ARHGAP44: variants seen among roughly 807,000 people sequenced by gnomAD.
ARHGAP44 encodes the protein rho GTPase-activating protein 44.
Under a neutral mutation model 106.8 loss-of-function variants are expected in ARHGAP44, and 43 were observed. The ratio of observed to expected loss-of-function variants is 0.40; its 90% CI spans 0.32 to 0.52. The LOEUF (loss-of-function observed/expected upper bound fraction) is 0.52, where lower values mean the gene tolerates loss of function less well. ARHGAP44 is among the 20% of genes least tolerant of loss of function. ARHGAP44 has a pLI of 0.48. For synonymous variants in ARHGAP44, 439 were observed against 410.3 expected (o/e 1.07, Z -0.85); for missense variants, 866 against 1,050.5 (o/e 0.82, Z 2.43).
Position 12,949,876 on chromosome 17 carries a change from A to G in ARHGAP44, c.1055+146A>G. On this transcript the variant is annotated intron_variant, in intron 12 of 20. Transcript: ENST00000379672. The surrounding 1 kb of genome is among the most constrained non-coding windows in gnomAD (Gnocchi z 4.1). ...GGAGTGCTTATACATTTGCCCAAGGAGGCAGGTCCAGGGATATTGATGGTA... is the reference window on the plus strand; with the variant it reads ...GGAGTGCTTATACATTTGCCCAAGGGGGCAGGTCCAGGGATATTGATGGTA... 2 of 720,808 alleles carry G rather than the reference A, an allele frequency of 2.8e-6. No individual in the cohort carries two copies. Among genetic ancestry groups the G allele is most frequent in the Admixed American group, 2.7e-5 (1 of 36,760 alleles). The allele number at this position is 720,808 out of a possible 1,614,324, so 44.7% of individuals were successfully genotyped here. A position where few individuals can be genotyped will look rare whatever the true frequency, so the allele number is the denominator to read the frequency against.
chr17:12,912,039 C>A (rs1378785878), intron 4 of ARHGAP44, among the ~76,000 whole-genome samples: 1 of 152,142 alleles, frequency 6.6e-6, no homozygotes, highest in African/African-American at 2.4e-5. Flanking sequence ...TATAGAGAGG[C>A]ACCAAAGATC....
chr17:12,837,077 C>T (rs2035260206), intron 1 of ARHGAP44, among the ~76,000 whole-genome samples: 1 of 152,160 alleles, frequency 6.6e-6, no homozygotes, highest in Non-Finnish European at 1.5e-5. Flanking sequence ...AAAGTGTGCT[C>T]TCTGACTCTA....
At chr17:12,969,804 G>A (rs1479061878) in intron 16 of ARHGAP44, among the ~76,000 whole-genome samples, 1 of 152,084 alleles carries the variant, frequency 6.6e-6, no homozygotes, top group South Asian at 2.1e-4. Context: ...ATACATCTCA[G>A]CACTCAATAA....
At chr17:12,829,445 C>T (rs1007295434) in intron 1 of ARHGAP44, among the ~76,000 whole-genome samples, 1 of 152,042 alleles carries the variant, frequency 6.6e-6, no homozygotes, top group Non-Finnish European at 1.5e-5. Context: ...TCTTTTGACC[C>T]TTGGCATGAG....
At chr17:12,978,171 T>C (rs2039743237) in intron 18 of ARHGAP44, among the ~76,000 whole-genome samples, 1 of 152,186 alleles carries the variant, frequency 6.6e-6, no homozygotes, top group Non-Finnish European at 1.5e-5. Flanking sequence ...ATTTTTTAGT[T>C]TGCTGATTAT....
chr17:12,898,687 G>T (rs1382355175), intron 3 of ARHGAP44, among the ~76,000 whole-genome samples: 1 of 152,158 alleles, frequency 6.6e-6, no homozygotes, highest in Non-Finnish European at 1.5e-5. Flanking sequence ...ATAAGACCAT[G>T]AATTCATTTC....
rs765059593 is a variant in ARHGAP44, at chr17:12,811,854, C to T, written c.53+21963C>T. 7.2e-5 allele frequency among the ~76,000 whole-genome samples: 11 copies of T among 152,296 alleles called. No homozygotes were observed. In the South Asian group the frequency reaches 8.3e-4, roughly 11 times the overall value. On this transcript the variant is annotated intron_variant, in intron 1 of 20. Coordinates refer to ENST00000379672, the MANE Select transcript of ARHGAP44 (RefSeq NM_014859.6). Reference sequence around the variant, plus strand: ...TGCGTGTTCTCCCTCTGTATCTCTGCGTCCCTTCTCCTCCTCTTAAAAGGG... The same window carrying T: ...TGCGTGTTCTCCCTCTGTATCTCTGTGTCCCTTCTCCTCCTCTTAAAAGGG...
chr17:12,810,219 A>G (rs1187970322), intron 1 of ARHGAP44, among the ~76,000 whole-genome samples: 1 of 152,210 alleles, frequency 6.6e-6, no homozygotes, highest in Non-Finnish European at 1.5e-5. Context: ...ACAAATCACC[A>G]CAAACTGGGT....
chr17:12,846,697 A>C (rs2035579911), intron 1 of ARHGAP44, among the ~76,000 whole-genome samples: 1 of 152,252 alleles, frequency 6.6e-6, no homozygotes. Context: ...AAATGCCAGG[A>C]CATCTCTCAT....
At chr17:12,891,495 AC>A (rs2037044061) in intron 1 of ARHGAP44, among the ~76,000 whole-genome samples, 1 of 152,124 alleles carries the variant, frequency 6.6e-6, no homozygotes, top group Admixed American at 6.5e-5. Context: ...TAAGAAACCC[AC>A]CCTCATGATA....
chr17:12,925,495 ATTC>A (rs2038206033), intron 6 of ARHGAP44, among the ~76,000 whole-genome samples: 1 of 152,194 alleles, frequency 6.6e-6, no homozygotes, highest in South Asian at 2.1e-4. Flanking sequence ...GCCTTTTAAA[ATTC>A]TTCTTCTGGA....
chr17:12,937,264 G>T (rs1377629648), intron 7 of ARHGAP44, among the ~76,000 whole-genome samples: 2 of 152,150 alleles, frequency 1.3e-5, no homozygotes, highest in Non-Finnish European at 2.9e-5. Context: ...CTTTAGGGGA[G>T]ACCTTGTTAA....
At chr17:12,903,748 C>CTCTGAG (rs2037466015) in intron 3 of ARHGAP44, among the ~76,000 whole-genome samples, 1 of 152,146 alleles carries the variant, frequency 6.6e-6, no homozygotes, top group Non-Finnish European at 1.5e-5. Context: ...CCTCACCCTC[C>CTCTGAG]TCCCACCCTT....
At chr17:12,884,734 G>A (rs966154674) in intron 1 of ARHGAP44, among the ~76,000 whole-genome samples, 35 of 152,038 alleles carry the variant, frequency 2.3e-4, no homozygotes, top group African/African-American at 7.7e-4. Flanking sequence ...GCTGCTTTCC[G>A]TCCCTATGAC....
At chr17:12,818,821 C>T (rs1023699024) in intron 1 of ARHGAP44, among the ~76,000 whole-genome samples, 1 of 151,970 alleles carries the variant, frequency 6.6e-6, no homozygotes, top group Non-Finnish European at 1.5e-5. Context: ...TTGTTGGATT[C>T]AATCTGTTTA....
intron 18 of ARHGAP44, among the ~76,000 whole-genome samples, chr17:12,976,219 C>T (rs1201269340): frequency 3.9e-5 from 6 of 152,122 alleles, no homozygotes. Flanking sequence ...CATCCTCACA[C>T]ACCATCACCA....
At chr17:12,938,585 A>T (rs992293857) in intron 7 of ARHGAP44, among the ~76,000 whole-genome samples, 2 of 150,668 alleles carry the variant, frequency 1.3e-5, no homozygotes, top group Admixed American at 6.6e-5. Context: ...TATATATTAA[A>T]AAAAAAAAAA....
In ARHGAP44 at chr17:12,877,585, C is replaced by T. The variant is rs1597984792; in HGVS notation, c.54-17355C>T. ...CTAACACGGCGAAATCCCGTCTCTA[C>T]TAAAAATACAAAAAATTAGCCGGGC... On this transcript the variant is annotated intron_variant, in intron 1 of 20. Coordinates refer to ENST00000379672, the MANE Select transcript of ARHGAP44 (RefSeq NM_014859.6). Among the ~76,000 whole-genome samples the T allele has an allele frequency of 2.6e-5, 4 of 152,010 alleles. No homozygotes were observed. In the East Asian group the frequency reaches 7.7e-4, roughly 29 times the overall value.
At chr17:12,894,189 G>C (rs1385998473) in intron 1 of ARHGAP44, among the ~76,000 whole-genome samples, 1 of 151,382 alleles carries the variant, frequency 6.6e-6, no homozygotes, top group Non-Finnish European at 1.5e-5. Flanking sequence ...TTGATGATTT[G>C]TTTTCATGTG....
Sources: allele counts gnomAD v4.1 joint callset (sites outside exome capture counted in the v4.1 genomes callset), GRCh38; gene constraint gnomAD v4.1.1; non-coding constraint Gnocchi (gnomAD v3.1); transcripts MANE v1.5; gene names NCBI Gene and HGNC (gene_info 2026-07-23, HGNC 2026-07-21).